The following ADAMTS16 variants were observed in gnomAD, a reference collection of about 807,000 sequenced individuals.
ADAMTS16 encodes the protein A disintegrin and metalloproteinase with thrombospondin motifs 16.
Under a neutral mutation model 145.8 loss-of-function variants are expected in ADAMTS16, and 94 were observed. The ratio of observed to expected loss-of-function variants is 0.64; its 90% CI spans 0.55 to 0.77. The LOEUF is 0.77. Ranked by LOEUF, ADAMTS16 falls within the 30% of genes least tolerant of loss-of-function variation. ADAMTS16 has a pLI of 0.00. For synonymous variants in ADAMTS16, 659 were observed against 604.3 expected (o/e 1.09, Z -1.33); for missense variants, 1,585 against 1,591.5 (o/e 1.00, Z 0.07).
Position 5,286,881 on chromosome 5 carries a change from AAAG to A in ADAMTS16, c.2790-16385_2790-16383del, listed in dbSNP as rs1739126830. ...TCAAAAAAAAAAAAAAAAAAAAAAA[AAAG>A]AGTTTTTATAACCCTTTAGTATGTG... On this transcript the variant is annotated intron_variant, in intron 18 of 22. Transcript: ENST00000274181. Among the ~76,000 whole-genome samples the A allele has an allele frequency of 3.3e-5, 5 of 150,278 alleles. 1 individual carries two copies. The highest frequency in any genetic ancestry group is 1.9e-4 in the East Asian group (1 of 5,150).
At position 5,205,508 on chromosome 5, in the gene ADAMTS16, C is replaced by T. The variant is rs1181633252; in HGVS notation, c.1452-3585C>T. On this transcript the variant is annotated intron_variant, in intron 9 of 22. Transcript: ENST00000274181. Reference sequence around the variant, plus strand: ...TTATAAAATGGTTGCAATGATTTTCCTTTCTGCACCCACACTTTTGGTGGT... The same window carrying T: ...TTATAAAATGGTTGCAATGATTTTCTTTTCTGCACCCACACTTTTGGTGGT... Among the ~76,000 whole-genome samples, 7 of 152,144 alleles carry T rather than the reference C, an allele frequency of 4.6e-5. No individual in the cohort carries two copies. The East Asian group carries it at 1.2e-3, about 25-fold the overall frequency.
In ADAMTS16 at chr5:5,232,568, A is replaced by C. The variant is rs765479036; in HGVS notation, c.1850+52A>C. ...ACAAACGACTGATTTCCATGCCATG[A>C]ACCCTCCAAGCAGTATGCCTGTGTC... On this transcript the variant is annotated intron_variant, in intron 12 of 22. Coordinates refer to ENST00000274181, the MANE Select transcript of ADAMTS16 (RefSeq NM_139056.4). The C allele has an allele frequency of 5.0e-6, 8 of 1,585,890 alleles. No homozygotes were observed. The African/African-American group carries it at 1.1e-4, about 22-fold the overall frequency.
chr5:5,300,592 A>G (rs1362639857), intron 18 of ADAMTS16, among the ~76,000 whole-genome samples: 1 of 152,240 alleles, frequency 6.6e-6, no homozygotes, highest in African/African-American at 2.4e-5. Context: ...GGCTTCTACA[A>G]ACCAAAGCAA....
chr5:5,146,308 A>G lies in ADAMTS16; in HGVS notation c.354A>G (p.Leu118=). The G allele has an allele frequency of 6.2e-7, 1 of 1,614,194 alleles. No homozygotes were observed. The highest frequency in any genetic ancestry group is 8.5e-7 in the Non-Finnish European group (1 of 1,180,022). The change falls in exon 3 of 23, where the codon CTA becomes CTG. Residue 118 remains leucine (L), a synonymous_variant. Transcript: ENST00000274181. ...TGGATCTGAGGACTTCCAGCAGCCT[A>G]GTGGCTCCTGGCTTTATTGTGCAGA... is the stretch of plus-strand genomic sequence containing the variant. ...FHMDLRTSSS[L]VAPGFIVQTL...
intron 9 of ADAMTS16, among the ~76,000 whole-genome samples, chr5:5,204,457 T>C (rs1304239479): frequency 6.6e-6 from 1 of 152,154 alleles, no homozygotes; most frequent in East Asian, 1.9e-4. Flanking sequence ...TGGTAGGGAC[T>C]TTAGAAGCTG....
chr5:5,222,354 T>TGGAC, intron 10 of ADAMTS16, among the ~76,000 whole-genome samples: 1 of 151,972 alleles, frequency 6.6e-6, no homozygotes, highest in East Asian at 1.9e-4. Flanking sequence ...GATGGATGGA[T>TGGAC]GGACAAGTGA....
rs552210881 is a variant in ADAMTS16 at position 5,239,878 on chromosome 5, G to A, written c.2476G>A (p.Glu826Lys). ...CTACAGACGGTCCTATAATGAGCCC[G>A]AGAACTTAATCGCTACTGGACCAAC... Reference protein sequence around the residue: ...FDYRRSYNEPENLIATGPTNE... With the variant: ...FDYRRSYNEPKNLIATGPTNE... Residue 826 changes from glutamate (E) to lysine (K), a missense_variant, in exon 16 of 23, where the codon GAG becomes AAG. Transcript: ENST00000274181. 19 of 1,614,082 alleles carry A rather than the reference G, an allele frequency of 1.2e-5. No individual in the cohort carries two copies. Among genetic ancestry groups the A allele is most frequent in the African/African-American group, 2.7e-5 (2 of 74,978 alleles).
intron 3 of ADAMTS16, among the ~76,000 whole-genome samples, chr5:5,151,216 T>C (rs918053557): frequency 9.1e-5 from 5 of 55,062 alleles, no homozygotes; most frequent in Admixed American, 2.7e-4. Flanking sequence ...TTCTTTTCTC[T>C]TATTTATTTA....
chr5:5,244,732 C>T (rs938468951), intron 17 of ADAMTS16, among the ~76,000 whole-genome samples: 5 of 152,188 alleles, frequency 3.3e-5, no homozygotes, highest in Non-Finnish European at 5.9e-5. Context: ...ACGTGTTCTT[C>T]GAACTTCCTG....
In ADAMTS16 at chr5:5,319,521, C is replaced by G. The variant is rs554961351; in HGVS notation, c.*383C>G. The stretch of plus-strand genomic sequence containing the variant: ...GGTGCCTTAGAAAAAGAAGGAAAGG[C>G]CATGAAATAAGGAAAACATACAAAA... On this transcript the variant is annotated 3_prime_UTR_variant, in exon 23 of 23. Transcript: ENST00000274181. 1.7e-5 allele frequency: 5 copies of G among 294,804 alleles called. No individual in the cohort carries two copies. The highest frequency in any genetic ancestry group is 1.1e-4 in the African/African-American group (5 of 44,832). 18.3% of individuals were successfully genotyped at this position (294,804 alleles called of 1,614,324 possible). A position where few individuals can be genotyped will look rare whatever the true frequency, so the allele number is the denominator to read the frequency against.
chr5:5,311,099 C>T (rs1740408934), intron 21 of ADAMTS16, among the ~76,000 whole-genome samples: 1 of 151,988 alleles, frequency 6.6e-6, no homozygotes, highest in Non-Finnish European at 1.5e-5. Context: ...GCCCCTGTGG[C>T]CAGGACATTG....
intron 18 of ADAMTS16, among the ~76,000 whole-genome samples, chr5:5,302,930 G>A (rs13155606): frequency 0.68 from 103,242 of 152,002 alleles, 36,005 homozygotes; most frequent in South Asian, 0.81. Flanking sequence ...GGAACCCAGA[G>A]GTGTTTTATT....
chr5:5,243,700 A>G (rs1478897194), intron 17 of ADAMTS16, among the ~76,000 whole-genome samples: 1 of 152,262 alleles, frequency 6.6e-6, no homozygotes, highest in African/African-American at 2.4e-5. Context: ...TAAAAAATGT[A>G]TAATGAATTC....
chr5:5,206,678 C>T (rs995880841), intron 9 of ADAMTS16, among the ~76,000 whole-genome samples: 3 of 151,760 alleles, frequency 2.0e-5, no homozygotes, highest in Non-Finnish European at 4.4e-5. Context: ...GACAGGAATT[C>T]ATCATGTTAG....
intron 11 of ADAMTS16, among the ~76,000 whole-genome samples, chr5:5,227,201 T>G (rs16875090): frequency 0.13 from 19,207 of 152,272 alleles, 1,218 homozygotes; most frequent in East Asian, 0.17. Context: ...GATGACTCAG[T>G]GCTTTTTTTC....
At chr5:5,192,228 A>C (rs1401169884) in intron 8 of ADAMTS16, among the ~76,000 whole-genome samples, 1 of 152,122 alleles carries the variant, frequency 6.6e-6, no homozygotes, top group East Asian at 1.9e-4. Context: ...GCAATGCACA[A>C]GTTTCCATGT....
intron 17 of ADAMTS16, among the ~76,000 whole-genome samples, chr5:5,252,048 A>G (rs1737643756): frequency 2.0e-5 from 3 of 152,036 alleles, no homozygotes; most frequent in Admixed American, 2.0e-4. Context: ...ACGGGGTTTC[A>G]CCGTGTTAGC....
At chr5:5,311,295 A>C in intron 21 of ADAMTS16, among the ~76,000 whole-genome samples, 1 of 77,664 alleles carries the variant, frequency 1.3e-5, no homozygotes, top group African/African-American at 5.0e-5. Context: ...CGAGTTTGAC[A>C]TAGGCAAAAA....
chr5:5,319,190 C>A lies in ADAMTS16; in HGVS notation c.*52C>A. The stretch of plus-strand genomic sequence containing the variant: ...AAGTGCCTGCGTGGCACAGAAATTT[C>A]CCACAAATGAGCTGTGCAATCTACG... On this transcript the variant is annotated 3_prime_UTR_variant, in exon 23 of 23. Coordinates refer to ENST00000274181, the MANE Select transcript of ADAMTS16 (RefSeq NM_139056.4). 7.4e-7 allele frequency: 1 copy of A among 1,348,024 alleles called. No individual in the cohort carries two copies. The highest frequency in any genetic ancestry group is 1.0e-6 in the Non-Finnish European group (1 of 957,572). The allele number at this position is 1,348,024 out of a possible 1,614,324, so 83.5% of individuals were successfully genotyped here. A position where few individuals can be genotyped will look rare whatever the true frequency, so the allele number is the denominator to read the frequency against.
Sources: gnomAD v4.1 joint callset for allele counts (sites outside exome capture counted in the v4.1 genomes callset) on GRCh38, gnomAD v4.1.1 for gene constraint, MANE v1.5 for transcripts, NCBI Gene and HGNC (gene_info 2026-07-23, HGNC 2026-07-21) for gene names.